Variants in SEC31B observed in about 807,000 individuals in gnomAD.
SEC31B encodes the protein SEC31 homolog B, COPII component.
SEC31B carries 113 observed loss-of-function variants against 135.0 expected under a neutral mutation model. That is an observed-to-expected ratio of 0.84 (90% CI 0.72 to 0.98). SEC31B has a LOEUF of 0.98. SEC31B is among the 50% of genes least tolerant of loss of function. The pLI is 0.00. For missense variants in SEC31B, 1,296 were observed against 1,421.1 expected, an observed-to-expected ratio of 0.91 and a Z score of 1.42; for synonymous variants, 508 against 549.4, an observed-to-expected ratio of 0.92 and a Z score of 1.05.
chr10:100,488,777 CA>C, intron 24 of SEC31B, 80 bp downstream of exon 24: 3 of 1,481,198 alleles, frequency 2.0e-6, no homozygotes, highest in Non-Finnish European at 2.7e-6. Flanking sequence ...GAGAGTCACA[CA>C]AGGAACTGGT....
intron 19 of SEC31B, among the ~76,000 whole-genome samples, chr10:100,493,169 C>T (rs1851334795): frequency 6.6e-6 from 1 of 152,072 alleles, no homozygotes; most frequent in Non-Finnish European, 1.5e-5. Flanking sequence ...GTCGGGAGAT[C>T]AAGACCATCC....
At chr10:100,507,660 T>C (rs961790954) in intron 6 of SEC31B, 93 bp from the exon 7 acceptor site, 1 of 1,540,530 alleles carries the variant, frequency 6.5e-7, no homozygotes, top group South Asian at 1.2e-5. Context: ...TCTGTCTCTT[T>C]TGTGACTGGG....
intron 1 of SEC31B, among the ~76,000 whole-genome samples, chr10:100,518,160 C>A (rs1202639153): frequency 6.6e-6 from 1 of 152,190 alleles, no homozygotes; most frequent in Non-Finnish European, 1.5e-5. Flanking sequence ...GAATAAAATT[C>A]AAACTTCTTT....
intron 3 of SEC31B, among the ~76,000 whole-genome samples, chr10:100,510,528 C>T (rs1822296492): frequency 6.6e-6 from 1 of 152,240 alleles, no homozygotes; most frequent in South Asian, 2.1e-4. Context: ...CCTGAAGCCT[C>T]ATAGGTGGTC....
At chr10:100,498,229 G>C (rs749155601) in intron 14 of SEC31B, 22 bp from the exon 15 acceptor site, 1 of 1,613,240 alleles carries the variant, frequency 6.2e-7, no homozygotes, top group African/African-American at 1.3e-5. Flanking sequence ...AGCATCCCCT[G>C]TGCATTAGTT....
chr10:100,511,838 A>C (rs932132438), intron 3 of SEC31B, among the ~76,000 whole-genome samples: 3 of 152,326 alleles, frequency 2.0e-5, no homozygotes, highest in Non-Finnish European at 4.4e-5. Flanking sequence ...TCCAAGCTGG[A>C]GAATGAATGG....
chr10:100,509,046 A>G lies in SEC31B; in HGVS notation c.456T>C (p.Asn152=). ...CCAGGGTCATTGGCACATTCAAGTT[A>G]TTCAGATCCCAAATGAAGATTTCAG... ...SDSEIFIWDL[N]NLNVPMTLGS... Residue 152 remains asparagine (N), a synonymous_variant, in exon 5 of 26, where the codon AAT becomes AAC. Transcript: ENST00000370345. 6.2e-7 allele frequency: 1 copy of G among 1,614,210 alleles called. No individual in the cohort carries two copies. Among genetic ancestry groups the G allele is most frequent in the African/African-American group, 1.3e-5 (1 of 75,046 alleles).
intron 3 of SEC31B, among the ~76,000 whole-genome samples, chr10:100,510,248 A>G (rs1342405130): frequency 6.6e-6 from 1 of 152,240 alleles, no homozygotes; most frequent in Non-Finnish European, 1.5e-5. Flanking sequence ...ACTGGAAATG[A>G]GAAAAGACCC....
chr10:100,491,713 A>G (rs571287689), intron 19 of SEC31B, among the ~76,000 whole-genome samples: 9 of 152,356 alleles, frequency 5.9e-5, no homozygotes, highest in African/African-American at 2.2e-4. Flanking sequence ...TCTAGTACAC[A>G]AGGTGTTATG....
At position 100,506,472 on chromosome 10, in the gene SEC31B, T is replaced by C. The variant is rs147260046; in HGVS notation, c.783-52A>G. ...GCATTTGTTGAATGCCTACTATGAGTAGGGTGCCTTATATGTCTTTTATAC... is the reference window on the plus strand; with the variant it reads ...GCATTTGTTGAATGCCTACTATGAGCAGGGTGCCTTATATGTCTTTTATAC... On this transcript the variant is annotated intron_variant, in intron 7 of 25. Coordinates refer to ENST00000370345, the MANE Select transcript of SEC31B (RefSeq NM_015490.4). The C allele has an allele frequency of 7.1e-4, 1,078 of 1,526,216 alleles. 8 individuals carry two copies. In the African/African-American group the frequency reaches 0.012, roughly 16 times the overall value. 94.5% of individuals were successfully genotyped at this position (1,526,216 alleles called of 1,614,324 possible). A position where few individuals can be genotyped will look rare whatever the true frequency, so the allele number is the denominator to read the frequency against.
At position 100,507,982 on chromosome 10, in the gene SEC31B, G is replaced by A; in HGVS notation, c.565C>T (p.Pro189Ser). 1 of 1,614,188 alleles carries A rather than the reference G, an allele frequency of 6.2e-7. No homozygotes were observed. Among genetic ancestry groups the A allele is most frequent in the Non-Finnish European group, 8.5e-7 (1 of 1,180,032 alleles). ...TCCCACACAACTGCCTTGCCACTGGGGTGAGCAGAAGACAGAATGTGTTGG... is the reference window on the plus strand; with the variant it reads ...TCCCACACAACTGCCTTGCCACTGGAGTGAGCAGAAGACAGAATGTGTTGG... ...QAQHILSSAH[P>S]SGKAVVWDLR... Residue 189 changes from proline to serine, a missense_variant, in exon 6 of 26, where the codon CCC becomes TCC. Pro to Ser is a moderately conservative substitution (Grantham distance 74). Coordinates refer to ENST00000370345, the MANE Select transcript of SEC31B (RefSeq NM_015490.4).
Position 100,516,880 on chromosome 10 carries a change from C to G in SEC31B, c.73G>C (p.Ala25Pro). The G allele has an allele frequency of 6.2e-7, 1 of 1,613,394 alleles. No individual in the cohort carries two copies. The change falls in exon 2 of 26, where the codon GCC becomes CCC. Residue 25 changes from alanine (A) to proline (P), a missense_variant. Physicochemically the swap from Ala to Pro is conservative, Grantham distance 27. Transcript: ENST00000370345. ...ATTCACAGTGTCACCATACCTGTGGCCAGATACAAAGGGTATTGGCTGGCT... is the reference window on the plus strand; with the variant it reads ...ATTCACAGTGTCACCATACCTGTGGGCAGATACAAAGGGTATTGGCTGGCT... ...SPASQYPLYL[A>P]TGTSAQQLDS... is the part of the protein sequence containing the mutation.
intron 24 of SEC31B, 104 bp downstream of exon 24, chr10:100,488,754 G>A (rs1453812015): frequency 7.1e-7 from 1 of 1,400,670 alleles, no homozygotes; most frequent in Non-Finnish European, 9.5e-7. Flanking sequence ...AGCATGTCCA[G>A]GGGCAGTGAG....
In SEC31B at chr10:100,502,231, C is replaced by T. The variant is rs556328857; in HGVS notation, c.1410+23G>A. 4 of 1,589,494 alleles carry T rather than the reference C, an allele frequency of 2.5e-6. No homozygotes were observed. The African/African-American group carries it at 4.0e-5, about 16-fold the overall frequency. Reference sequence around the variant, plus strand: ...CAGGCTTTGGGGAGACACTTCTGAGCAGCTAGCCTTCAGGCTTCCCACCTT... The same window carrying T: ...CAGGCTTTGGGGAGACACTTCTGAGTAGCTAGCCTTCAGGCTTCCCACCTT... On this transcript the variant is annotated intron_variant, in intron 11 of 25. Transcript: ENST00000370345.
chr10:100,497,924 G>C (rs1851443600), intron 15 of SEC31B, 105 bp downstream of exon 15: 1 of 1,578,134 alleles, frequency 6.3e-7, no homozygotes, highest in Admixed American at 1.7e-5. Flanking sequence ...AGAGTAGAAA[G>C]AGAGAGGCAG....
intron 3 of SEC31B, among the ~76,000 whole-genome samples, chr10:100,512,202 CTT>C (rs1359685408): frequency 1.3e-5 from 2 of 152,186 alleles, no homozygotes; most frequent in East Asian, 1.9e-4. Flanking sequence ...AGATCCTCTA[CTT>C]TCTCCATGTT....
At chr10:100,513,349 G>A (rs1178086124) in intron 3 of SEC31B, among the ~76,000 whole-genome samples, 1 of 152,242 alleles carries the variant, frequency 6.6e-6, no homozygotes, top group Non-Finnish European at 1.5e-5. Context: ...GCAGGAGTAT[G>A]AGGTAAAGTT....
In SEC31B at chr10:100,490,223, A is replaced by T. The variant is rs373986067; in HGVS notation, c.2750T>A (p.Met917Lys). 1.9e-6 allele frequency: 3 copies of T among 1,613,076 alleles called. No homozygotes were observed. The highest frequency in any genetic ancestry group is 2.5e-6 in the Non-Finnish European group (3 of 1,179,518). Residue 917 changes from methionine to lysine, a missense_variant, in exon 21 of 26, where the codon ATG (methionine) becomes AAG (lysine). Met to Lys is a moderately conservative substitution (Grantham distance 95). Coordinates refer to ENST00000370345, the MANE Select transcript of SEC31B (RefSeq NM_015490.4). Reference protein sequence around the residue: ...TWPLPGSPLPMACPGIMRPGS... With the variant: ...TWPLPGSPLPKACPGIMRPGS... The stretch of plus-strand genomic sequence containing the variant: ...AGGTCGCATGATGCCTGGGCATGCC[A>T]TGGGTAGAGGGGAACCAGGAAGAGG...
Position 100,489,327 on chromosome 10 carries a change from C to A in SEC31B, c.3096G>T (p.Gly1032=), listed in dbSNP as rs767660281. ...PVMSLTPELQ[G]ILPSQPPVSS... Reference sequence around the variant, plus strand: ...AGACAGGGGGCTGTGAGGGAAGAATCCCTTGTAGCTCAGGGGTGAGGCTCA... The same window carrying A: ...AGACAGGGGGCTGTGAGGGAAGAATACCTTGTAGCTCAGGGGTGAGGCTCA... Residue 1032 remains glycine, a synonymous_variant, in exon 23 of 26, where the codon GGG becomes GGT. Transcript: ENST00000370345. 6 of 1,613,758 alleles carry A rather than the reference C, an allele frequency of 3.7e-6. No individual in the cohort carries two copies. Among genetic ancestry groups the A allele is most frequent in the Non-Finnish European group, 5.1e-6 (6 of 1,179,944 alleles).
Sources: allele counts gnomAD v4.1 joint callset (sites outside exome capture counted in the v4.1 genomes callset), GRCh38; gene constraint gnomAD v4.1.1; transcripts MANE v1.5; gene names NCBI Gene and HGNC (gene_info 2026-07-23, HGNC 2026-07-21).